CRYBA4: variants seen among roughly 807,000 people sequenced by gnomAD.
CRYBA4 encodes crystallin beta A4.
A neutral mutation model predicts 31.7 loss-of-function variants in CRYBA4; 30 were observed. That is an observed-to-expected ratio of 0.95 (90% CI 0.71 to 1.28). The LOEUF is 1.28. Ranked by LOEUF, CRYBA4 falls within the 50% of genes most tolerant of loss-of-function variation. The probability of loss-of-function intolerance (pLI) is 0.00; values close to 1 mark genes in which losing one functional copy is unlikely to be tolerated. For synonymous variants in CRYBA4, 102 were observed against 102.3 expected (o/e 1.00, Z 0.02); for missense variants, 225 against 260.7 (o/e 0.86, Z 0.94).
At chr22:26,607,789 T>C in the CRYBA4 span, 3 of 1,557,548 alleles carry the variant, frequency 1.9e-6, no homozygotes, top group South Asian at 2.2e-5. Flanking sequence ...CACGCCTCCC[T>C]ACCCACCATC....
the CRYBA4 span, among the ~76,000 whole-genome samples, chr22:26,610,313 C>A: frequency 2.0e-5 from 3 of 152,156 alleles, no homozygotes; most frequent in Non-Finnish European, 4.4e-5. Flanking sequence ...GGCCTCCTCA[C>A]TTTCCCCATG....
At chr22:26,590,772 C>G in the CRYBA4 span, among the ~76,000 whole-genome samples, 2 of 152,030 alleles carry the variant, frequency 1.3e-5, no homozygotes, top group African/African-American at 4.8e-5. Flanking sequence ...GCCACTACCC[C>G]CCCAAAAAAA....
the CRYBA4 span, among the ~76,000 whole-genome samples, chr22:26,598,441 A>T: frequency 9.2e-5 from 14 of 151,834 alleles, no homozygotes; most frequent in South Asian, 1.5e-3. Context: ...CAGTGGCATG[A>T]TCACGACTCA....
the CRYBA4 span, among the ~76,000 whole-genome samples, chr22:26,616,646 C>T: frequency 6.6e-6 from 1 of 152,220 alleles, no homozygotes; most frequent in East Asian, 1.9e-4. Flanking sequence ...CACTGCTTAT[C>T]ACACTGATTT....
the CRYBA4 span, among the ~76,000 whole-genome samples, chr22:26,609,102 A>G: frequency 1.3e-4 from 20 of 152,152 alleles, no homozygotes; most frequent in Admixed American, 1.2e-3. Flanking sequence ...TGTGTTCAAG[A>G]GTTCTTAGGA....
the CRYBA4 span, among the ~76,000 whole-genome samples, chr22:26,595,002 A>G: frequency 6.6e-6 from 1 of 152,106 alleles, no homozygotes; most frequent in Non-Finnish European, 1.5e-5. Flanking sequence ...TGAAACTAGG[A>G]CCCATGGAAG....
chr22:26,594,506 C>CA, the CRYBA4 span, among the ~76,000 whole-genome samples: 1 of 152,140 alleles, frequency 6.6e-6, no homozygotes, highest in African/African-American at 2.4e-5. Flanking sequence ...GCCTGAGACT[C>CA]AAAGATTCAC....
chr22:26,627,354 TCCC>T (rs1929734598), intron 4 of CRYBA4, among the ~76,000 whole-genome samples: 1 of 32,036 alleles, frequency 3.1e-5, no homozygotes, highest in South Asian at 2.7e-3. Context: ...CCTCCCTCCC[TCCC>T]TCCTTTCTTT....
At chr22:26,598,312 T>C in the CRYBA4 span, among the ~76,000 whole-genome samples, 1 of 152,210 alleles carries the variant, frequency 6.6e-6, no homozygotes, top group Non-Finnish European at 1.5e-5. Context: ...TTTATACGAC[T>C]GCCTGCTTCC....
At chr22:26,591,058 A>T in the CRYBA4 span, among the ~76,000 whole-genome samples, 1 of 152,186 alleles carries the variant, frequency 6.6e-6, no homozygotes, top group African/African-American at 2.4e-5. Flanking sequence ...TATTTGCCAT[A>T]TGTATATATT....
the CRYBA4 span, chr22:26,616,422 C>T: frequency 1.1e-6 from 1 of 905,210 alleles, no homozygotes; most frequent in Non-Finnish European, 1.8e-6. Context: ...CTTTCAGCCT[C>T]CTTGGAGCTC....
At chr22:26,616,458 C>A in the CRYBA4 span, 4 of 712,928 alleles carry the variant, frequency 5.6e-6, no homozygotes, top group Non-Finnish European at 7.3e-6. Flanking sequence ...CCTTCTGAAA[C>A]GGTTAAGCCT....
At chr22:26,612,588 A>G in the CRYBA4 span, among the ~76,000 whole-genome samples, 1 of 152,174 alleles carries the variant, frequency 6.6e-6, no homozygotes, top group Non-Finnish European at 1.5e-5. Flanking sequence ...CCTGAGCTCA[A>G]ATGATTGGCC....
intron 3 of CRYBA4, among the ~76,000 whole-genome samples, chr22:26,623,672 G>A (rs1929614222): frequency 6.6e-6 from 1 of 151,768 alleles, no homozygotes; most frequent in South Asian, 2.1e-4. Flanking sequence ...GCCTAAAGTA[G>A]AAGGTAACTG....
the CRYBA4 span, among the ~76,000 whole-genome samples, chr22:26,612,823 C>T: frequency 1.3e-5 from 2 of 152,184 alleles, no homozygotes; most frequent in African/African-American, 2.4e-5. Context: ...CATTCCAGCT[C>T]GTTATTCTGT....
At position 26,625,581 on chromosome 22, in the gene CRYBA4, C is replaced by G; in HGVS notation, c.259C>G (p.Pro87Ala). ...TGCCTGGGGCGGCAACACGGCCTAC[C>G]CCGCCGAGAGGCTCACCTCCTTCCG... ...WDAWGGNTAY[P>A]AERLTSFRPA... The change falls in exon 4 of 6, where the codon CCC becomes GCC. Residue 87 changes from proline to alanine, a missense_variant. Physicochemically the swap from Pro to Ala is conservative, Grantham distance 27 (BLOSUM62 -1). Transcript: ENST00000354760. 1 of 1,613,992 alleles carries G rather than the reference C, an allele frequency of 6.2e-7. No homozygotes were observed. The highest frequency in any genetic ancestry group is 8.5e-7 in the Non-Finnish European group (1 of 1,180,004).
chr22:26,616,187 G>C, the CRYBA4 span: 2 of 1,614,192 alleles, frequency 1.2e-6, no homozygotes, highest in Non-Finnish European at 1.7e-6. Context: ...CTGGTAATAG[G>C]CACGGTTGTT....
At chr22:26,593,022 A>G in the CRYBA4 span, among the ~76,000 whole-genome samples, 1 of 152,164 alleles carries the variant, frequency 6.6e-6, no homozygotes, top group Non-Finnish European at 1.5e-5. Flanking sequence ...GAGGAAGGCT[A>G]ATTGCCCCTC....
upstream of CRYBA4, among the ~76,000 whole-genome samples, chr22:26,621,332 T>C (rs1464372599): frequency 6.6e-6 from 1 of 152,216 alleles, no homozygotes; most frequent in Non-Finnish European, 1.5e-5. Flanking sequence ...TCCAGGCCAA[T>C]TGGGCTACCA....
Sources: gnomAD v4.1 joint callset for allele counts (sites outside exome capture counted in the v4.1 genomes callset) on GRCh38, gnomAD v4.1.1 for gene constraint, MANE v1.5 for transcripts, NCBI Gene and HGNC (gene_info 2026-07-23, HGNC 2026-07-21) for gene names.